Variants in SGCD observed in about 807,000 individuals in gnomAD.
The protein encoded by SGCD is sarcoglycan delta.
A neutral mutation model predicts 36.6 loss-of-function variants in SGCD; 18 were observed. That is an observed-to-expected ratio of 0.49 (90% CI 0.34 to 0.73). The LOEUF (loss-of-function observed/expected upper bound fraction) is 0.73, where lower values mean the gene tolerates loss of function less well. SGCD is among the 30% of genes least tolerant of loss of function. The pLI, the probability that SGCD is intolerant of heterozygous loss-of-function variation, is 0.01. For synonymous variants in SGCD, 133 were observed against 130.6 expected (o/e 1.02, Z -0.12); for missense variants, 387 against 346.7 (o/e 1.12, Z -0.92).
At chr5:155,890,677 T>TAGATAGAC (rs1554102514) in intron 1 of SGCD, among the ~76,000 whole-genome samples, 15,474 of 150,012 alleles carry the variant, frequency 0.1, 1,107 homozygotes, top group African/African-American at 0.21. Flanking sequence ...GATAGATAGA[T>TAGATAGAC]AGACAGATAG....
intron 3 of SGCD, among the ~76,000 whole-genome samples, chr5:156,260,670 T>C (rs572099793): frequency 3.9e-5 from 6 of 152,276 alleles, no homozygotes; most frequent in African/African-American, 1.4e-4. Context: ...ACTGTATGTG[T>C]TTTATTTCTT....
rs1413481394 is a variant in SGCD at position 156,333,316 on chromosome 5, G to C, written c.3+3737G>C. Among the ~76,000 whole-genome samples, 5 of 152,068 alleles carry C rather than the reference G, an allele frequency of 3.3e-5. No homozygotes were observed. In the South Asian group the frequency reaches 1.0e-3, roughly 32 times the overall value. On this transcript the variant is annotated intron_variant, in intron 2 of 8. Coordinates refer to ENST00000337851, the MANE Select transcript of SGCD (RefSeq NM_000337.6). ...TAGGTTTTAGAGACATATCAAAGAT[G>C]GTTTATTACCTGGGACAAAATGCCT...
the SGCD span, among the ~76,000 whole-genome samples, chr5:155,795,410 AACATAG>A: frequency 6.8e-6 from 1 of 147,092 alleles, no homozygotes; most frequent in Non-Finnish European, 1.5e-5. Flanking sequence ...ATAGTGGTAA[AACATAG>A]TTGTATGTTT....
chr5:156,450,054 T>C (rs1247848818), intron 3 of SGCD, among the ~76,000 whole-genome samples: 1 of 152,106 alleles, frequency 6.6e-6, no homozygotes, highest in Admixed American at 6.5e-5. Flanking sequence ...ACAAACTTAC[T>C]GTGAGCACCC....
intron 3 of SGCD, among the ~76,000 whole-genome samples, chr5:156,182,283 C>T (rs1192807476): frequency 6.8e-6 from 1 of 147,668 alleles, no homozygotes; most frequent in Non-Finnish European, 1.5e-5. Context: ...TATTGGCTAG[C>T]TTAGGAGCAG....
intron 1 of SGCD, among the ~76,000 whole-genome samples, chr5:155,956,794 AG>A (rs1282730809): frequency 3.1e-5 from 4 of 129,730 alleles, no homozygotes; most frequent in Non-Finnish European, 6.8e-5. Flanking sequence ...TGTTGGACTC[AG>A]GGCCCCCCCC....
At chr5:156,611,827 G>A (rs1761825974) in intron 6 of SGCD, among the ~76,000 whole-genome samples, 1 of 152,046 alleles carries the variant, frequency 6.6e-6, no homozygotes, top group African/African-American at 2.4e-5. Flanking sequence ...CTGTCTTCAT[G>A]TTCAAAAATT....
At chr5:155,845,999 AG>A in the SGCD span, among the ~76,000 whole-genome samples, 2 of 152,328 alleles carry the variant, frequency 1.3e-5, no homozygotes, top group Non-Finnish European at 2.9e-5. Context: ...TTGAGAAGAA[AG>A]GAACTTGGGA....
chr5:156,624,506 A>G (rs1295629621), intron 6 of SGCD, among the ~76,000 whole-genome samples: 1 of 152,136 alleles, frequency 6.6e-6, no homozygotes, highest in Non-Finnish European at 1.5e-5. Flanking sequence ...GTGCGAACCC[A>G]GGAGGCGGAG....
At chr5:156,105,258 G>C (rs979563906) in intron 1 of SGCD, among the ~76,000 whole-genome samples, 2 of 152,254 alleles carry the variant, frequency 1.3e-5, no homozygotes, top group East Asian at 3.9e-4. Context: ...AATAAAGAAA[G>C]TACTTCACAC....
intron 3 of SGCD, among the ~76,000 whole-genome samples, chr5:156,220,501 A>G (rs1033854317): frequency 6.6e-6 from 1 of 152,166 alleles, no homozygotes; most frequent in Non-Finnish European, 1.5e-5. Context: ...AAAAGGACAA[A>G]TTAATAAGTG....
chr5:155,743,396 A>G, the SGCD span, among the ~76,000 whole-genome samples: 1 of 152,190 alleles, frequency 6.6e-6, no homozygotes, highest in East Asian at 1.9e-4. Flanking sequence ...TCAGTCTACA[A>G]GAATTTTAGG....
At chr5:155,915,417 CTG>C (rs1425310711) in intron 1 of SGCD, among the ~76,000 whole-genome samples, 1 of 152,048 alleles carries the variant, frequency 6.6e-6, no homozygotes, top group Non-Finnish European at 1.5e-5. Context: ...AATGATAAAA[CTG>C]AAAGATGGAT....
the SGCD span, among the ~76,000 whole-genome samples, chr5:155,861,788 G>A: frequency 8.7e-3 from 1,324 of 152,270 alleles, 16 homozygotes; most frequent in African/African-American, 0.031. Context: ...GGCCTTTCTG[G>A]CTTATTTGAA....
intron 7 of SGCD, among the ~76,000 whole-genome samples, chr5:156,702,191 G>A (rs564512049): frequency 2.0e-5 from 3 of 152,222 alleles, no homozygotes; most frequent in African/African-American, 7.2e-5. Context: ...ATAAAATGTT[G>A]ACTTAGTACT....
chr5:155,780,315 A>G, the SGCD span, among the ~76,000 whole-genome samples: 1 of 152,146 alleles, frequency 6.6e-6, no homozygotes, highest in Non-Finnish European at 1.5e-5. Context: ...AGTAAATTGT[A>G]TGTGCTCCAA....
chr5:156,679,080 C>G (rs1423276366), intron 7 of SGCD, among the ~76,000 whole-genome samples: 1 of 152,192 alleles, frequency 6.6e-6, no homozygotes, highest in Non-Finnish European at 1.5e-5. Context: ...GTCCCTAGTA[C>G]TGCTTTGTCC....
chr5:156,393,379 T>C (rs1042404858), intron 3 of SGCD, among the ~76,000 whole-genome samples: 1 of 152,200 alleles, frequency 6.6e-6, no homozygotes, highest in Non-Finnish European at 1.5e-5. Flanking sequence ...GTTCAAGAAT[T>C]TTACCAATAA....
At chr5:156,415,919 C>CATGG (rs2127773492) in intron 3 of SGCD, among the ~76,000 whole-genome samples, 1 of 152,232 alleles carries the variant, frequency 6.6e-6, no homozygotes, top group South Asian at 2.1e-4. Context: ...AATACAGAAA[C>CATGG]ATGGATTTGA....
Sources: allele counts gnomAD v4.1 joint callset (sites outside exome capture counted in the v4.1 genomes callset), GRCh38; gene constraint gnomAD v4.1.1; transcripts MANE v1.5; gene names NCBI Gene and HGNC (gene_info 2026-07-23, HGNC 2026-07-21).